Variants in RGS9 observed in about 807,000 individuals in gnomAD.
The protein encoded by RGS9 is regulator of G protein signaling 9, also known as regulator of G-protein signalling 9.
A neutral mutation model predicts 102.0 loss-of-function variants in RGS9; 78 were observed. The ratio of observed to expected loss-of-function variants is 0.76; its 90% CI spans 0.64 to 0.92. RGS9 has a LOEUF of 0.92. RGS9 is among the 40% of genes least tolerant of loss of function. The pLI, the probability that RGS9 is intolerant of heterozygous loss-of-function variation, is 0.00. For synonymous variants in RGS9, 353 were observed against 318.6 expected (o/e 1.11, Z -1.15); for missense variants, 833 against 866.1 (o/e 0.96, Z 0.48).
Position 65,163,047 on chromosome 17 carries a change from A to G in RGS9, c.458A>G (p.Tyr153Cys), listed in dbSNP as rs755034844. 7.5e-6 allele frequency: 12 copies of G among 1,603,390 alleles called. No homozygotes were observed. The Middle Eastern group carries it at 8.2e-4, about 110-fold the overall frequency. ...NYNFLNQKMNYKWDFVIMQAK... is the reference protein window; with the variant it reads ...NYNFLNQKMNCKWDFVIMQAK... ...AATTTCTTGAACCAAAAAATGAACT[A>G]TAAGTGGGACTTTGTCATTATGCAG... The change falls in exon 7 of 19, where the codon TAT (tyrosine) becomes TGT (cysteine). Residue 153 changes from tyrosine to cysteine, a missense_variant. Physicochemically the swap from Tyr to Cys is radical, Grantham distance 194. This residue lies in a region of RGS9 where 328 missense variants were observed against 340.6 expected (regional missense o/e 0.96). Coordinates refer to ENST00000262406, the MANE Select transcript of RGS9 (RefSeq NM_003835.4).
intron 9 of RGS9, among the ~76,000 whole-genome samples, chr17:65,180,715 A>G (rs189154050): frequency 2.0e-5 from 3 of 152,250 alleles, no homozygotes; most frequent in Admixed American, 2.0e-4. Context: ...ACTGCATGTC[A>G]CCGGAGTTTG....
intron 8 of RGS9, among the ~76,000 whole-genome samples, chr17:65,175,274 TGTGTGA>T (rs781331824): frequency 1.8e-4 from 28 of 151,956 alleles, no homozygotes; most frequent in South Asian, 1.3e-3. Context: ...AGTGTGTGGG[TGTGTGA>T]GTGTGAGTGT....
chr17:65,220,341 A>C (rs1347911939), intron 17 of RGS9, among the ~76,000 whole-genome samples: 1 of 152,034 alleles, frequency 6.6e-6, no homozygotes, highest in Non-Finnish European at 1.5e-5. Context: ...GGAGGGGGAG[A>C]AGTTGATGTC....
intron 16 of RGS9, among the ~76,000 whole-genome samples, chr17:65,209,826 C>G (rs1233432524): frequency 6.6e-6 from 1 of 152,174 alleles, no homozygotes; most frequent in African/African-American, 2.4e-5. Context: ...GCCTGTAATC[C>G]CAGCACTTTG....
intron 6 of RGS9, among the ~76,000 whole-genome samples, chr17:65,161,865 T>C (rs1405533009): frequency 6.6e-6 from 1 of 151,542 alleles, no homozygotes; most frequent in Non-Finnish European, 1.5e-5. Flanking sequence ...CACACCACCA[T>C]ACCCAGCTAA....
chr17:65,210,677 G>A, intron 17 of RGS9, 72 bp downstream of exon 17: 10 of 1,600,930 alleles, frequency 6.2e-6, no homozygotes, highest in Middle Eastern at 3.4e-4. Context: ...GTGATTCCTG[G>A]GGGTGGGGTC....
At chr17:65,188,511 T>C (rs1387650427) in intron 9 of RGS9, among the ~76,000 whole-genome samples, 1 of 152,230 alleles carries the variant, frequency 6.6e-6, no homozygotes, top group Non-Finnish European at 1.5e-5. Context: ...TTATGACTAC[T>C]TGGGGAATGC....
Position 65,226,201 on chromosome 17 carries a change from G to A in RGS9, c.1892+715G>A, listed in dbSNP as rs999899513. On this transcript the variant is annotated intron_variant, in intron 18 of 18. Transcript: ENST00000262406. ...CTGGATCAGAGCAGAAAGAAAACTTGTGAGCGATGCAACACAGAGAATCAG... is the reference window on the plus strand; with the variant it reads ...CTGGATCAGAGCAGAAAGAAAACTTATGAGCGATGCAACACAGAGAATCAG... Among the ~76,000 whole-genome samples the A allele has an allele frequency of 2.0e-5, 3 of 152,240 alleles. 1 individual carries two copies. In the South Asian group the frequency reaches 6.2e-4, roughly 31 times the overall value.
At chr17:65,215,359 C>T (rs565890574) in intron 17 of RGS9, among the ~76,000 whole-genome samples, 1 of 152,082 alleles carries the variant, frequency 6.6e-6, no homozygotes, top group South Asian at 2.1e-4. Flanking sequence ...TGAAAGAGGA[C>T]TGGATTTTGT....
chr17:65,158,409 T>G (rs1189067680), intron 3 of RGS9, 64 bp downstream of exon 3: 2 of 1,395,010 alleles, frequency 1.4e-6, no homozygotes, highest in Non-Finnish European at 2.0e-6. Context: ...TGGGAGAAAC[T>G]AAATAGAGAC....
intron 17 of RGS9, among the ~76,000 whole-genome samples, chr17:65,214,169 A>G (rs1411867243): frequency 6.6e-6 from 1 of 152,108 alleles, no homozygotes; most frequent in African/African-American, 2.4e-5. Flanking sequence ...CGCCATGTTG[A>G]CCAGGCTGGT....
chr17:65,195,526 C>T (rs140974828), intron 12 of RGS9, among the ~76,000 whole-genome samples: 78 of 152,174 alleles, frequency 5.1e-4, no homozygotes, highest in Middle Eastern at 6.8e-3. Context: ...AACTGTGCCG[C>T]GTACACTGAA....
chr17:65,202,530 T>C (rs1396361049), intron 14 of RGS9, among the ~76,000 whole-genome samples: 1 of 151,248 alleles, frequency 6.6e-6, no homozygotes, highest in Non-Finnish European at 1.5e-5. Flanking sequence ...CTTAGAGATG[T>C]GAGGAACACA....
rs749870323 is a variant in RGS9, at chr17:65,189,285, GAAAC to G, written c.660_663del (p.Thr221SerfsTer15). On this transcript the variant is annotated frameshift_variant and splice_region_variant, in exon 10 of 19. Coordinates refer to ENST00000262406, the MANE Select transcript of RGS9 (RefSeq NM_003835.4). LOFTEE classifies it high-confidence loss of function. ...AACGGTTTTGTTTCTTTGTCTTACAGAAACAAACAGTCGTTGCTGTCAAAAAAGA... is the reference window on the plus strand; with the variant it reads ...AACGGTTTTGTTTCTTTGTCTTACAGAAACAGTCGTTGCTGTCAAAAAAGA... The G allele has an allele frequency of 2.5e-6, 4 of 1,611,926 alleles. No individual in the cohort carries two copies. The highest frequency in any genetic ancestry group is 3.4e-6 in the Non-Finnish European group (4 of 1,178,208).
chr17:65,153,369 A>C, intron 1 of RGS9, 53 bp from the exon 2 acceptor site: 1 of 1,499,810 alleles, frequency 6.7e-7, no homozygotes, highest in Non-Finnish European at 9.3e-7. Context: ...ATTGCCCTGC[A>C]CAACTTTCAA....
At chr17:65,172,564 A>T (rs1911461030) in intron 8 of RGS9, among the ~76,000 whole-genome samples, 1 of 152,078 alleles carries the variant, frequency 6.6e-6, no homozygotes, top group South Asian at 2.1e-4. Flanking sequence ...AATAAAAAAT[A>T]AAAAAAATTA....
At chr17:65,183,100 CT>C (rs1398205984) in intron 9 of RGS9, among the ~76,000 whole-genome samples, 40 of 151,544 alleles carry the variant, frequency 2.6e-4, no homozygotes, top group African/African-American at 9.2e-4. Context: ...ATCTATCTAT[CT>C]ATCTATCTAC....
chr17:65,181,791 A>T (rs1034271129), intron 9 of RGS9, among the ~76,000 whole-genome samples: 1 of 152,230 alleles, frequency 6.6e-6, no homozygotes. Context: ...CAGTTTCCTC[A>T]TCTCTAACAG....
intron 1 of RGS9, among the ~76,000 whole-genome samples, chr17:65,143,793 CAAAA>C (rs61423689): frequency 0.019 from 1,833 of 97,062 alleles, 39 homozygotes; most frequent in African/African-American, 0.05. Context: ...GACTCTGTCT[CAAAA>C]AAAAAAAAAA....
Sources: allele counts gnomAD v4.1 joint callset (sites outside exome capture counted in the v4.1 genomes callset), GRCh38; gene constraint gnomAD v4.1.1; regional missense constraint gnomAD v4.1.1; transcripts MANE v1.5; gene names NCBI Gene and HGNC (gene_info 2026-07-23, HGNC 2026-07-21).